STS: variants seen among roughly 807,000 people sequenced by gnomAD.
The protein encoded by STS is steroid sulfatase.
Under a neutral mutation model 26.8 loss-of-function variants are expected in STS, and 7 were observed. The ratio of observed to expected loss-of-function variants is 0.26; its 90% CI spans 0.15 to 0.49. The LOEUF is 0.49. Ranked by LOEUF, STS falls within the 20% of genes least tolerant of loss-of-function variation. The probability of loss-of-function intolerance (pLI) is 0.98; values close to 1 mark genes in which losing one functional copy is unlikely to be tolerated. For synonymous variants in STS, 199 were observed against 189.4 expected (o/e 1.05, Z -0.42); for missense variants, 434 against 465.6 (o/e 0.93, Z 0.63).
intron 6 of STS, among the ~76,000 whole-genome samples, chrX:7,275,459 G>GTATA (rs1270837972): frequency 2.7e-5 from 3 of 110,923 alleles, no homozygotes; most frequent in Non-Finnish European, 5.7e-5. Context: ...TACAAAATTT[G>GTATA]TATATATATT....
intron 1 of STS, among the ~76,000 whole-genome samples, chrX:7,168,256 T>G (rs919208888): frequency 1.8e-5 from 2 of 111,114 alleles, no homozygotes; most frequent in Non-Finnish European, 3.8e-5. Context: ...TGAATTATAA[T>G]GTAGGGAAAA....
At chrX:7,203,897 G>C (rs1262294001) in intron 2 of STS, among the ~76,000 whole-genome samples, 2 of 111,289 alleles carry the variant, frequency 1.8e-5, no homozygotes, top group Non-Finnish European at 3.8e-5. Context: ...CAATTCTCCT[G>C]TCTCAGCTTC....
chrX:7,256,213 G>A (rs1312428680), intron 3 of STS, among the ~76,000 whole-genome samples: 1 of 111,613 alleles, frequency 9.0e-6, no homozygotes, highest in East Asian at 2.8e-4. Context: ...AACTTGGTAT[G>A]GTCCAAAAAC....
chrX:7,284,154 A>G (rs1925012476), intron 7 of STS, among the ~76,000 whole-genome samples: 1 of 112,134 alleles, frequency 8.9e-6, no homozygotes, highest in South Asian at 3.7e-4. Context: ...TTACTTTGTA[A>G]GGAGGAATGT....
intron 7 of STS, among the ~76,000 whole-genome samples, chrX:7,288,378 G>T (rs1203395157): frequency 9.1e-6 from 1 of 109,617 alleles, no homozygotes; most frequent in African/African-American, 3.3e-5. Context: ...TCAGATTTGG[G>T]AATATTTATA....
At chrX:7,188,940 C>T (rs1332383539) in intron 1 of STS, among the ~76,000 whole-genome samples, 1 of 110,977 alleles carries the variant, frequency 9.0e-6, no homozygotes, top group Non-Finnish European at 1.9e-5. Flanking sequence ...TGACAGCACA[C>T]TATTCCATTT....
chrX:7,163,613 A>T (rs1232679282), intron 1 of STS, among the ~76,000 whole-genome samples: 1 of 112,269 alleles, frequency 8.9e-6, no homozygotes, highest in South Asian at 3.7e-4. Flanking sequence ...AGCCCACAGG[A>T]CTTTACCACT....
chrX:7,240,533 G>GTGTGTGTA (rs1373072915), intron 2 of STS, among the ~76,000 whole-genome samples: 78 of 60,538 alleles, frequency 1.3e-3, no homozygotes, highest in African/African-American at 4.8e-3. Flanking sequence ...GTGTGTGTGT[G>GTGTGTGTA]TATATATATA....
chrX:7,298,849 C>A (rs1190819253), intron 7 of STS, among the ~76,000 whole-genome samples: 5 of 107,761 alleles, frequency 4.6e-5, no homozygotes, highest in Admixed American at 3.1e-4. Context: ...TACCATTGTG[C>A]CCTGGAGTTA....
At chrX:7,205,009 C>T (rs186784589) in intron 2 of STS, among the ~76,000 whole-genome samples, 5 of 111,966 alleles carry the variant, frequency 4.5e-5, no homozygotes, top group African/African-American at 6.5e-5. Context: ...CCCCACATGG[C>T]CCTAGGCCAG....
chrX:7,216,192 C>T (rs186750802), intron 2 of STS, among the ~76,000 whole-genome samples: 1 of 112,099 alleles, frequency 8.9e-6, no homozygotes, highest in African/African-American at 3.2e-5. Flanking sequence ...AGCAGACATG[C>T]ACCTGCACCC....
intron 1 of STS, among the ~76,000 whole-genome samples, chrX:7,186,811 C>T (rs367564417): frequency 4.5e-5 from 5 of 111,864 alleles, no homozygotes; most frequent in African/African-American, 1.3e-4. Flanking sequence ...CATCTTAGGT[C>T]AAGTCATGGG....
chrX:7,231,307 C>G (rs191514157), intron 2 of STS, among the ~76,000 whole-genome samples: 1 of 112,128 alleles, frequency 8.9e-6, no homozygotes, highest in Non-Finnish European at 1.9e-5. Context: ...AATTGATGTA[C>G]TAAATGCCAC....
At chrX:7,158,767 A>G (rs1212361867) in intron 1 of STS, among the ~76,000 whole-genome samples, 2 of 111,873 alleles carry the variant, frequency 1.8e-5, no homozygotes, top group African/African-American at 6.5e-5. Context: ...TTAGCCTTTC[A>G]TTCGACATTT....
intron 1 of STS, among the ~76,000 whole-genome samples, chrX:7,164,262 A>G (rs1933305573): frequency 2.7e-5 from 3 of 111,993 alleles, no homozygotes; most frequent in Non-Finnish European, 3.8e-5. Flanking sequence ...CCTTTTCTCA[A>G]AAGTTTCCAT....
Position 7,350,320 on chromosome X carries a change from C to T in STS, c.*59C>T, listed in dbSNP as rs755514009. The stretch of plus-strand genomic sequence containing the variant: ...AAGCTCACCATCTTCACTACAAACA[C>T]GCCTGAGAGTGGCACTGGGGAAACA... On this transcript the variant is annotated 3_prime_UTR_variant, in exon 11 of 11. Transcript: ENST00000674429. 550 of 1,162,715 alleles carry T rather than the reference C, an allele frequency of 4.7e-4. 1 individual carries two copies. Among genetic ancestry groups the T allele is most frequent in the Non-Finnish European group, 5.8e-4 (507 of 869,694 alleles).
chrX:7,315,965 T>A (rs1435670545), intron 8 of STS, among the ~76,000 whole-genome samples: 2 of 111,038 alleles, frequency 1.8e-5, no homozygotes, highest in African/African-American at 6.6e-5. Context: ...CACTCAATAT[T>A]AACCATCCCA....
chrX:7,148,670 T>G (rs1391941800), intron 1 of STS, among the ~76,000 whole-genome samples: 1 of 112,043 alleles, frequency 8.9e-6, no homozygotes, highest in Non-Finnish European at 1.9e-5. Flanking sequence ...TCAGTTTCGC[T>G]TGCCCGCCTC....
chrX:7,307,123 T>G (rs1439395906), intron 8 of STS, among the ~76,000 whole-genome samples: 1 of 111,217 alleles, frequency 9.0e-6, no homozygotes, highest in Admixed American at 9.6e-5. Context: ...CATAGGCTGC[T>G]CAGACCTCCT....
Sources: allele counts gnomAD v4.1 joint callset (sites outside exome capture counted in the v4.1 genomes callset), GRCh38; gene constraint gnomAD v4.1.1; transcripts MANE v1.5; gene names NCBI Gene and HGNC (gene_info 2026-07-23, HGNC 2026-07-21).